Variants in CFAP299 observed in about 807,000 individuals in gnomAD.
CFAP299 encodes the protein cilia- and flagella-associated protein 299.
In CFAP299, 21 loss-of-function variants were observed where a neutral mutation model predicts 27.0. The observed-to-expected ratio is 0.78, with a 90% CI of 0.55 to 1.12. The LOEUF is 1.12. Ranked by LOEUF, CFAP299 falls within the 50% of genes most tolerant of loss-of-function variation. CFAP299 has a pLI of 0.00. For synonymous variants in CFAP299, 104 were observed against 98.1 expected (o/e 1.06, Z -0.36); for missense variants, 310 against 276.6 (o/e 1.12, Z -0.86).
At chr4:80,345,682 C>A (rs555479826) in intron 1 of CFAP299, among the ~76,000 whole-genome samples, 1 of 152,220 alleles carries the variant, frequency 6.6e-6, no homozygotes, top group East Asian at 1.9e-4. Flanking sequence ...CACTGATGGA[C>A]ATTTATGTTG....
intron 5 of CFAP299, among the ~76,000 whole-genome samples, chr4:80,948,285 T>C (rs571146954): frequency 3.3e-5 from 5 of 152,272 alleles, no homozygotes; most frequent in African/African-American, 9.6e-5. Context: ...CAACAAGTAA[T>C]ATGAGTTCAT....
intron 2 of CFAP299, among the ~76,000 whole-genome samples, chr4:80,557,343 G>C (rs1205818291): frequency 6.6e-6 from 1 of 152,076 alleles, no homozygotes; most frequent in East Asian, 1.9e-4. Context: ...CTTCTCCTGA[G>C]TGTGTTGTTG....
intron 3 of CFAP299, among the ~76,000 whole-genome samples, chr4:80,656,956 T>G (rs1465777195): frequency 6.6e-6 from 1 of 152,240 alleles, no homozygotes; most frequent in African/African-American, 2.4e-5. Flanking sequence ...TGGTTTTGAC[T>G]TGCATTTCTC....
intron 2 of CFAP299, among the ~76,000 whole-genome samples, chr4:80,442,715 TCGAAAAAC>T (rs1270898366): frequency 6.6e-6 from 1 of 151,866 alleles, no homozygotes; most frequent in Non-Finnish European, 1.5e-5. Context: ...AGATAGAGAC[TCGAAAAAC>T]CCTTCAAAAA....
chr4:80,379,019 A>G (rs1724562345), intron 2 of CFAP299, among the ~76,000 whole-genome samples: 1 of 151,898 alleles, frequency 6.6e-6, no homozygotes, highest in African/African-American at 2.4e-5. Context: ...AGTTGATGTT[A>G]TTTCTTCCTT....
At chr4:80,943,896 T>C (rs1030943608) in intron 4 of CFAP299, among the ~76,000 whole-genome samples, 4 of 151,906 alleles carry the variant, frequency 2.6e-5, no homozygotes, top group African/African-American at 9.7e-5. Flanking sequence ...GTGAAACCCA[T>C]CTCTGCTAAA....
chr4:80,765,864 A>G (rs1201895874), intron 3 of CFAP299, among the ~76,000 whole-genome samples: 3 of 152,156 alleles, frequency 2.0e-5, no homozygotes, highest in Non-Finnish European at 4.4e-5. Flanking sequence ...AATTCAATAA[A>G]TTACCTAGAA....
At chr4:80,854,588 G>A (rs1731716403) in intron 3 of CFAP299, among the ~76,000 whole-genome samples, 1 of 151,812 alleles carries the variant, frequency 6.6e-6, no homozygotes, top group South Asian at 2.1e-4. Context: ...TCTAGGTGCA[G>A]ATGGATCAGC....
chr4:80,497,000 T>A (rs891849425), intron 2 of CFAP299, among the ~76,000 whole-genome samples: 7 of 152,166 alleles, frequency 4.6e-5, no homozygotes, highest in Non-Finnish European at 7.4e-5. Context: ...AAGGCTATGG[T>A]GCTAAACCAT....
At chr4:80,878,522 A>G (rs1233649151) in intron 4 of CFAP299, among the ~76,000 whole-genome samples, 2 of 152,136 alleles carry the variant, frequency 1.3e-5, no homozygotes, top group Admixed American at 6.5e-5. Context: ...TTGCTATATC[A>G]TTCCTCTAAA....
At chr4:80,351,590 A>G in intron 1 of CFAP299, among the ~76,000 whole-genome samples, 1 of 152,024 alleles carries the variant, frequency 6.6e-6, no homozygotes, top group East Asian at 1.9e-4. Context: ...AGAAATAACA[A>G]GGTAGTATAT....
At chr4:80,379,198 C>T (rs1267932807) in intron 2 of CFAP299, among the ~76,000 whole-genome samples, 1 of 151,930 alleles carries the variant, frequency 6.6e-6, no homozygotes, top group Non-Finnish European at 1.5e-5. Flanking sequence ...TTCATTTCAC[C>T]TAATCAATCT....
At chr4:80,436,491 A>G (rs1431976909) in intron 2 of CFAP299, among the ~76,000 whole-genome samples, 3 of 151,872 alleles carry the variant, frequency 2.0e-5, no homozygotes, top group Non-Finnish European at 2.9e-5. Flanking sequence ...TTTAGTAGAG[A>G]CGGGGTTTCA....
At chr4:80,772,998 G>T (rs763267168) in intron 3 of CFAP299, among the ~76,000 whole-genome samples, 3 of 152,070 alleles carry the variant, frequency 2.0e-5, no homozygotes, top group Non-Finnish European at 4.4e-5. Flanking sequence ...AGAAAATGTG[G>T]TACATAAACA....
At position 80,404,235 on chromosome 4, in the gene CFAP299, T is replaced by C. The variant is rs187365736; in HGVS notation, c.242+41351T>C. 6.9e-3 allele frequency among the ~76,000 whole-genome samples: 1,043 copies of C among 151,414 alleles called. 2 individuals carry two copies. The highest frequency in any genetic ancestry group is 0.031 in the Middle Eastern group (9 of 290). ...TATATAATATTATCATATATATATA[T>C]ACACACACACACACAATATAATTCC... On this transcript the variant is annotated intron_variant, in intron 2 of 5. Transcript: ENST00000358105.
intron 3 of CFAP299, among the ~76,000 whole-genome samples, chr4:80,859,656 C>T (rs2110157008): frequency 6.6e-6 from 1 of 152,140 alleles, no homozygotes; most frequent in South Asian, 2.1e-4. Flanking sequence ...TTTTATTTCT[C>T]CTTCACTTAT....
intron 3 of CFAP299, among the ~76,000 whole-genome samples, chr4:80,678,271 A>G (rs1228850088): frequency 6.6e-6 from 1 of 151,974 alleles, no homozygotes; most frequent in Non-Finnish European, 1.5e-5. Flanking sequence ...CTTTTATGGC[A>G]AAGAAATACC....
chr4:80,940,538 G>C (rs1737141209), intron 4 of CFAP299, among the ~76,000 whole-genome samples: 1 of 152,048 alleles, frequency 6.6e-6, no homozygotes, highest in Non-Finnish European at 1.5e-5. Flanking sequence ...TCTCTCCACT[G>C]GACTTCCAGT....
At chr4:80,886,974 A>C (rs1734001739) in intron 4 of CFAP299, among the ~76,000 whole-genome samples, 1 of 152,126 alleles carries the variant, frequency 6.6e-6, no homozygotes, top group Admixed American at 6.5e-5. Context: ...ACTAGAATTG[A>C]TCAAGCAGAA....
Sources: gnomAD v4.1 joint callset for allele counts (sites outside exome capture counted in the v4.1 genomes callset) on GRCh38, gnomAD v4.1.1 for gene constraint, MANE v1.5 for transcripts, NCBI Gene and HGNC (gene_info 2026-07-23, HGNC 2026-07-21) for gene names.